SLC25A1: variants seen among roughly 807,000 people sequenced by gnomAD.
SLC25A1 encodes the protein tricarboxylate transport protein, mitochondrial.
A neutral mutation model predicts 38.1 loss-of-function variants in SLC25A1; 26 were observed. That is an observed-to-expected ratio of 0.68 (90% CI 0.50 to 0.95). The LOEUF (loss-of-function observed/expected upper bound fraction) is 0.95. SLC25A1 is among the 40% of genes least tolerant of loss of function. SLC25A1 has a pLI of 0.00. For synonymous variants in SLC25A1, 211 were observed against 183.2 expected (o/e 1.15, Z -1.23); for missense variants, 378 against 426.6 (o/e 0.89, Z 1.00).
chr22:19,178,029 C>T lies in SLC25A1; in HGVS notation c.215G>A (p.Arg72Gln), dbSNP rs1460132525. The change falls in exon 3 of 9, where the codon CGG (arginine) becomes CAG (glutamine). Residue 72 changes from arginine (R) to glutamine (Q), a missense_variant. By Grantham distance (43) the Arg-to-Gln change is conservative. Coordinates refer to ENST00000215882, the MANE Select transcript of SLC25A1 (RefSeq NM_005984.5). This position sits in a 1 kb window ranked among gnomAD's most constrained non-coding sequence, Gnocchi z 4.9. ...GACGCCATGGCTGCGAACCGTCTGC[C>T]GCACGCAGTCCCCTGGGGGAGGGGG... is the stretch of plus-strand genomic sequence containing the variant. ...PRYRGIGDCV[R>Q]QTVRSHGVLG... 2 of 1,593,074 alleles carry T rather than the reference C, an allele frequency of 1.3e-6. No individual in the cohort carries two copies. The highest frequency in any genetic ancestry group is 1.1e-5 in the South Asian group (1 of 88,086).
chr22:19,178,448 G>A lies in SLC25A1; in HGVS notation c.94+132C>T, dbSNP rs1185995289. Reference sequence around the variant, plus strand: ...GGAGGCGGGCGAGTCCCAGCGCGCCGGGTGGGGACCAGGACCGCGCCTCCA... The same window carrying A: ...GGAGGCGGGCGAGTCCCAGCGCGCCAGGTGGGGACCAGGACCGCGCCTCCA... On this transcript the variant is annotated intron_variant, in intron 1 of 8. Transcript: ENST00000215882. The surrounding 1 kb of genome is among the most constrained non-coding windows in gnomAD (Gnocchi z 4.9). 5 of 1,371,290 alleles carry A rather than the reference G, an allele frequency of 3.6e-6. No homozygotes were observed. The highest frequency in any genetic ancestry group is 2.6e-4 in the Middle Eastern group (1 of 3,858). The allele number at this position is 1,371,290 out of a possible 1,614,324, so 84.9% of individuals were successfully genotyped here.
rs782598183 is a variant in SLC25A1, at chr22:19,178,155, G to A, written c.180C>T (p.His60=). 1.9e-6 allele frequency: 3 copies of A among 1,547,364 alleles called. No individual in the cohort carries two copies. Residue 60 remains histidine, a synonymous_variant, in exon 2 of 9, where the codon CAC becomes CAT. Transcript: ENST00000215882. The surrounding 1 kb of genome is among the most constrained non-coding windows in gnomAD (Gnocchi z 4.9). ...KTQLQLDERS[H]PPRYRGIGDC... ...CACCGATGCCCCGGTACCGCGGCGG[G>A]TGCGAGCGCTCGTCCAGCTGCAGCT...
In SLC25A1 at chr22:19,177,692, T is replaced by G. The variant is rs782111587; in HGVS notation, c.441+35A>C. On this transcript the variant is annotated intron_variant, in intron 4 of 8. Coordinates refer to ENST00000215882, the MANE Select transcript of SLC25A1 (RefSeq NM_005984.5). ...CGGGGCCGCCCGTCTCCGTACTCCC[T>G]GCGTGTCCGGGGTCCTCGCCAGGAC... The G allele has an allele frequency of 3.5e-5, 56 of 1,602,030 alleles. No individual in the cohort carries two copies. In the South Asian group the frequency reaches 5.9e-4, roughly 17 times the overall value.
Position 19,176,893 on chromosome 22 carries a change from TG to T in SLC25A1, c.583del (p.Gln195ArgfsTer8). 1 of 1,613,824 alleles carries T rather than the reference TG, an allele frequency of 6.2e-7. No homozygotes were observed. The highest frequency in any genetic ancestry group is 8.5e-7 in the Non-Finnish European group (1 of 1,179,998). On this transcript the variant is annotated frameshift_variant, in exon 6 of 9. Coordinates refer to ENST00000215882, the MANE Select transcript of SLC25A1 (RefSeq NM_005984.5). LOFTEE classifies it high-confidence loss of function. ...TATVLKQGSNQAIRFFVMTSL... is the reference protein window; with the variant it reads ...TATVLKQGSNXAIRFFVMTSL... ...GGTCATGACGAAGAAGCGGATGGCC[TG>T]GTTCGAGCCCTGCTTCAGGACAGTG... is the stretch of plus-strand genomic sequence containing the variant.
intron 4 of SLC25A1, 49 bp downstream of exon 4, chr22:19,177,678 G>T: frequency 6.3e-7 from 1 of 1,598,446 alleles, no homozygotes; most frequent in Non-Finnish European, 8.5e-7. Context: ...GGGGCCGCCC[G>T]TCTCCGTACT....
intron 5 of SLC25A1, 37 bp from the exon 6 acceptor site, chr22:19,176,987 C>T (rs2083971647): frequency 1.2e-6 from 2 of 1,609,580 alleles, no homozygotes; most frequent in East Asian, 2.2e-5. Context: ...CCTGCAGCCT[C>T]TCAGGCCCCG....
rs868965527 is a variant in SLC25A1, at chr22:19,177,824, G to A, written c.344C>T (p.Ala115Val). The A allele has an allele frequency of 6.2e-7, 1 of 1,610,304 alleles. No individual in the cohort carries two copies. The highest frequency in any genetic ancestry group is 8.5e-7 in the Non-Finnish European group (1 of 1,179,064). ...FEFLSNHMRD[A>V]QGRLDSTRGL... is the part of the protein sequence containing the mutation. ...ACGCGTGCTGTCCAGCCGTCCCTGGGCATCCCGCATGTGGTTGCTGAGGAA... is the reference window on the plus strand; with the variant it reads ...ACGCGTGCTGTCCAGCCGTCCCTGGACATCCCGCATGTGGTTGCTGAGGAA... The change falls in exon 4 of 9, where the codon GCC becomes GTC. Residue 115 changes from alanine to valine, a missense_variant. Coordinates refer to ENST00000215882, the MANE Select transcript of SLC25A1 (RefSeq NM_005984.5).
At position 19,176,415 on chromosome 22, in the gene SLC25A1, A is replaced by G. The variant is rs782723155; in HGVS notation, c.821+6T>C. The stretch of plus-strand genomic sequence containing the variant: ...GGGACAATAGCCCTGCCCCTCCCCC[A>G]CTCACGCCTTGAGCCCCTCCTTCTT... On this transcript the variant is annotated splice_donor_region_variant and intron_variant, in intron 8 of 8. Coordinates refer to ENST00000215882, the MANE Select transcript of SLC25A1 (RefSeq NM_005984.5). 1.2e-6 allele frequency: 2 copies of G among 1,612,808 alleles called. No homozygotes were observed. Among genetic ancestry groups the G allele is most frequent in the Non-Finnish European group, 1.7e-6 (2 of 1,179,638 alleles).
rs904445892 is a variant in SLC25A1 at position 19,177,829 on chromosome 22, C to T, written c.339G>A (p.Arg113=). ...GMFEFLSNHM[R]DAQGRLDSTR... ...TGCTGTCCAGCCGTCCCTGGGCATC[C>T]CGCATGTGGTTGCTGAGGAACTCGA... The change falls in exon 4 of 9, where the codon CGG becomes CGA. Residue 113 remains arginine (R), a synonymous_variant. Coordinates refer to ENST00000215882, the MANE Select transcript of SLC25A1 (RefSeq NM_005984.5). 9.9e-6 allele frequency: 16 copies of T among 1,610,510 alleles called. No individual in the cohort carries two copies. The highest frequency in any genetic ancestry group is 1.3e-5 in the Non-Finnish European group (15 of 1,179,082).
At position 19,175,593 on chromosome 22, in the gene SLC25A1, C is replaced by T. The variant is rs1327016883; in HGVS notation, c.*537G>A. The T allele has an allele frequency of 1.1e-5, 2 of 187,172 alleles. No individual in the cohort carries two copies. The highest frequency in any genetic ancestry group is 1.1e-4 in the South Asian group (1 of 8,890). 11.6% of individuals were successfully genotyped at this position (187,172 alleles called of 1,614,324 possible). A position where few individuals can be genotyped will look rare whatever the true frequency, so the allele number is the denominator to read the frequency against. On this transcript the variant is annotated 3_prime_UTR_variant, in exon 9 of 9. Transcript: ENST00000215882. Reference sequence around the variant, plus strand: ...CAGGACAGGAGGCTGCAACAGGATCCGGTTTATTCTGCCTTGGCAGGGTGG... The same window carrying T: ...CAGGACAGGAGGCTGCAACAGGATCTGGTTTATTCTGCCTTGGCAGGGTGG...
Position 19,176,035 on chromosome 22 carries a change from G to A in SLC25A1, c.*95C>T. The A allele has an allele frequency of 4.1e-6, 4 of 966,496 alleles. No individual in the cohort carries two copies. Among genetic ancestry groups the A allele is most frequent in the Non-Finnish European group, 6.6e-6 (4 of 603,666 alleles). 59.9% of individuals were successfully genotyped at this position (966,496 alleles called of 1,614,324 possible). A position where few individuals can be genotyped will look rare whatever the true frequency, so the allele number is the denominator to read the frequency against. Reference sequence around the variant, plus strand: ...CTACAGAGCTCGAGGGACGTGGGAAGGGGCCTTTTGGCACTACTGCACTGG... The same window carrying A: ...CTACAGAGCTCGAGGGACGTGGGAAAGGGCCTTTTGGCACTACTGCACTGG... On this transcript the variant is annotated 3_prime_UTR_variant, in exon 9 of 9. Coordinates refer to ENST00000215882, the MANE Select transcript of SLC25A1 (RefSeq NM_005984.5).
intron 8 of SLC25A1, 65 bp from the exon 9 acceptor site, chr22:19,176,309 C>T: frequency 6.4e-7 from 1 of 1,553,512 alleles, no homozygotes; most frequent in South Asian, 1.1e-5. Flanking sequence ...CAGGGCAATC[C>T]CCAGATACTG....
In SLC25A1 at chr22:19,178,040, C is replaced by T; in HGVS notation, c.204G>A (p.Gly68=). 1.3e-6 allele frequency: 2 copies of T among 1,587,204 alleles called. No homozygotes were observed. The highest frequency in any genetic ancestry group is 1.7e-6 in the Non-Finnish European group (2 of 1,169,378). Residue 68 remains glycine (G), a splice_region_variant and synonymous_variant, in exon 3 of 9, where the codon GGG becomes GGA. Coordinates refer to ENST00000215882, the MANE Select transcript of SLC25A1 (RefSeq NM_005984.5). The surrounding 1 kb of genome is among the most constrained non-coding windows in gnomAD (Gnocchi z 4.9). ...TGCGAACCGTCTGCCGCACGCAGTCCCCTGGGGGAGGGGGCGGTCAGGACC... is the reference window on the plus strand; with the variant it reads ...TGCGAACCGTCTGCCGCACGCAGTCTCCTGGGGGAGGGGGCGGTCAGGACC... ...RSHPPRYRGI[G]DCVRQTVRSH...
chr22:19,176,420 C>T lies in SLC25A1; in HGVS notation c.821+1G>A, dbSNP rs781974501. ...AATAGCCCTGCCCCTCCCCCACTCA[C>T]GCCTTGAGCCCCTCCTTCTTCAGGA... is the stretch of plus-strand genomic sequence containing the variant. On this transcript the variant is annotated splice_donor_variant, in intron 8 of 8. Transcript: ENST00000215882. LOFTEE classifies it high-confidence loss of function. 3.7e-6 allele frequency: 6 copies of T among 1,613,308 alleles called. No homozygotes were observed. The highest frequency in any genetic ancestry group is 1.1e-5 in the South Asian group (1 of 91,084).
rs1555923266 is a variant in SLC25A1 at position 19,178,143 on chromosome 22, G to C, written c.192C>G (p.Tyr64Ter). ...CCTCCCCCTCCTCACCGATGCCCCG[G>C]TACCGCGGCGGGTGCGAGCGCTCGT... is the stretch of plus-strand genomic sequence containing the variant. ...QLDERSHPPR[Y>*]RGIGDCVRQT... The change falls in exon 2 of 9, where the codon TAC becomes TAG. Residue 64 changes from tyrosine (Y) to a stop codon, truncating the protein, a stop_gained. Coordinates refer to ENST00000215882, the MANE Select transcript of SLC25A1 (RefSeq NM_005984.5). LOFTEE classifies it high-confidence loss of function. The surrounding 1 kb of genome is among the most constrained non-coding windows in gnomAD (Gnocchi z 4.9). The C allele has an allele frequency of 6.5e-7, 1 of 1,546,464 alleles. No homozygotes were observed. The highest frequency in any genetic ancestry group is 2.0e-5 in the Admixed American group (1 of 50,916).
chr22:19,176,082 G>A lies in SLC25A1; in HGVS notation c.*48C>T, dbSNP rs1419818235. 2.7e-6 allele frequency: 4 copies of A among 1,475,720 alleles called. No individual in the cohort carries two copies. In the African/African-American group the frequency reaches 5.5e-5, roughly 20 times the overall value. 91.4% of individuals were successfully genotyped at this position (1,475,720 alleles called of 1,614,324 possible). A position where few individuals can be genotyped will look rare whatever the true frequency, so the allele number is the denominator to read the frequency against. On this transcript the variant is annotated 3_prime_UTR_variant, in exon 9 of 9. Coordinates refer to ENST00000215882, the MANE Select transcript of SLC25A1 (RefSeq NM_005984.5). ...CTGGAATCGTGAGACAAAGGTAGCA[G>A]GACACTCTGGCGGTGCCTGGGGCGG...
chr22:19,177,610 C>T (rs2083982348), intron 4 of SLC25A1, 117 bp downstream of exon 4: 1 of 1,434,058 alleles, frequency 7.0e-7, no homozygotes, highest in African/African-American at 1.4e-5. Context: ...GCCGGCCTTC[C>T]CTGGCGTCCA....
In SLC25A1 at chr22:19,177,846, G is replaced by A. The variant is rs2146146454; in HGVS notation, c.322C>T (p.Leu108Phe). Residue 108 changes from leucine (L) to phenylalanine (F), a missense_variant, in exon 4 of 9, where the codon CTC becomes TTC. Coordinates refer to ENST00000215882, the MANE Select transcript of SLC25A1 (RefSeq NM_005984.5). ...AAVRFGMFEFLSNHMRDAQGR... is the reference protein window; with the variant it reads ...AAVRFGMFEFFSNHMRDAQGR... ...TGGGCATCCCGCATGTGGTTGCTGA[G>A]GAACTCGAACATTCCAAACCTGGAG... 6 of 1,609,376 alleles carry A rather than the reference G, an allele frequency of 3.7e-6. No homozygotes were observed. The highest frequency in any genetic ancestry group is 5.1e-6 in the Non-Finnish European group (6 of 1,178,444).
rs1555922305 is a variant in SLC25A1, at chr22:19,176,462, C to A, written c.780G>T (p.Trp260Cys). The A allele has an allele frequency of 1.2e-6, 2 of 1,613,756 alleles. No individual in the cohort carries two copies. The highest frequency in any genetic ancestry group is 1.7e-6 in the Non-Finnish European group (2 of 1,180,022). ...TCTTCAGGATCTGCAAGCCGCAGTC[C>A]CACGTGTTCCGGTATTTGTGCGCCT... ...GLEAHKYRNT[W>C]DCGLQILKKE... Residue 260 changes from tryptophan to cysteine, a missense_variant, in exon 8 of 9, where the codon TGG becomes TGT. By Grantham distance (215) the Trp-to-Cys change is radical. Coordinates refer to ENST00000215882, the MANE Select transcript of SLC25A1 (RefSeq NM_005984.5).
Sources: gnomAD v4.1 joint callset for allele counts on GRCh38, gnomAD v4.1.1 for gene constraint, Gnocchi (gnomAD v3.1) non-coding constraint, MANE v1.5 for transcripts, NCBI Gene and HGNC (gene_info 2026-07-23, HGNC 2026-07-21) for gene names.